The following DAB1 variants were observed in gnomAD, a reference collection of about 807,000 sequenced individuals.
DAB1 encodes DAB adaptor protein 1.
A neutral mutation model predicts 64.6 loss-of-function variants in DAB1; 15 were observed. That is an observed-to-expected ratio of 0.23 (90% confidence interval 0.16 to 0.36). The LOEUF (loss-of-function observed/expected upper bound fraction) is 0.36, where lower values mean the gene tolerates loss of function less well. Ranked by LOEUF, DAB1 falls within the 10% of genes least tolerant of loss-of-function variation. The pLI, the probability that DAB1 is intolerant of heterozygous loss-of-function variation, is 1.00. For missense variants in DAB1, 596 were observed against 706.7 expected (o/e 0.84, Z 1.78); for synonymous variants, 235 against 251.9 (o/e 0.93, Z 0.64).
At chr1:57,742,890 A>T (rs1181939513) in intron 6 of DAB1, among the ~76,000 whole-genome samples, 1 of 152,184 alleles carries the variant, frequency 6.6e-6, no homozygotes. Flanking sequence ...ACTGTCTGGC[A>T]AGAAGGTCCT....
chr1:58,238,931 G>A (rs922758595), intron 4 of DAB1, among the ~76,000 whole-genome samples: 1 of 152,142 alleles, frequency 6.6e-6, no homozygotes, highest in Admixed American at 6.5e-5. Context: ...TTAAAAGAAG[G>A]TATATACCAT....
intron 4 of DAB1, among the ~76,000 whole-genome samples, chr1:58,150,777 G>T (rs1654882196): frequency 2.0e-5 from 3 of 151,846 alleles, no homozygotes; most frequent in Non-Finnish European, 4.4e-5. Flanking sequence ...CCATGTTGGT[G>T]TACTGCACCC....
At chr1:57,156,880 A>T (rs576424678) in intron 2 of DAB1, among the ~76,000 whole-genome samples, 14 of 152,344 alleles carry the variant, frequency 9.2e-5, no homozygotes, top group African/African-American at 2.6e-4. Context: ...AGATTCTGTC[A>T]GGAAGTACAC....
At chr1:57,704,384 C>T (rs905475713) in intron 6 of DAB1, among the ~76,000 whole-genome samples, 2 of 152,120 alleles carry the variant, frequency 1.3e-5, no homozygotes, top group Non-Finnish European at 2.9e-5. Flanking sequence ...TTTAAGGTAA[C>T]CCCTGGCCTC....
intron 7 of DAB1, among the ~76,000 whole-genome samples, chr1:57,599,753 C>T (rs1645554422): frequency 6.6e-6 from 1 of 152,224 alleles, no homozygotes; most frequent in African/African-American, 2.4e-5. Context: ...CTGTACATAG[C>T]CCTGAGGAGG....
In DAB1 at chr1:57,189,706, C is replaced by A. The variant is rs143779326; in HGVS notation, c.68-44277G>T. Among the ~76,000 whole-genome samples, 825 of 152,172 alleles carry A rather than the reference C, an allele frequency of 5.4e-3. 7 individuals carry two copies. The highest frequency in any genetic ancestry group is 0.019 in the African/African-American group (782 of 41,524). On this transcript the variant is annotated intron_variant, in intron 2 of 14. Coordinates refer to ENST00000371236, the MANE Select transcript of DAB1 (RefSeq NM_001365792.1). ...ATGGACCAACCATCTGGAGAGAGGA[C>A]AGGATGGATGGTCACAGGCCTTCCA...
At chr1:57,323,916 T>C (rs1675938014) in intron 1 of DAB1, among the ~76,000 whole-genome samples, 1 of 151,944 alleles carries the variant, frequency 6.6e-6, no homozygotes, top group Non-Finnish European at 1.5e-5. Context: ...ATGATAGGTA[T>C]TAGTATTTGC....
At chr1:57,833,183 G>A (rs769361665) in intron 1 of DAB1, among the ~76,000 whole-genome samples, 5 of 152,024 alleles carry the variant, frequency 3.3e-5, no homozygotes, top group Non-Finnish European at 7.4e-5. Flanking sequence ...ATTATCGGTG[G>A]TGAATCCTAC....
chr1:58,153,576 ACT>A (rs1315322721), intron 4 of DAB1, among the ~76,000 whole-genome samples: 4 of 151,954 alleles, frequency 2.6e-5, no homozygotes, highest in African/African-American at 9.7e-5. Context: ...AATGTGAAAA[ACT>A]CTGTGATAAT....
At chr1:57,997,858 T>C (rs1487368856) in intron 5 of DAB1, among the ~76,000 whole-genome samples, 1 of 151,804 alleles carries the variant, frequency 6.6e-6, no homozygotes, top group Non-Finnish European at 1.5e-5. Flanking sequence ...GTGTATTCTG[T>C]GTGCCAGCCA....
chr1:58,512,007 C>T (rs1646085136), intron 2 of DAB1, among the ~76,000 whole-genome samples: 1 of 152,106 alleles, frequency 6.6e-6, no homozygotes, highest in African/African-American at 2.4e-5. Flanking sequence ...TACCAAATAA[C>T]TGATAAACAG....
chr1:57,340,554 T>C (rs1677487911), intron 1 of DAB1, among the ~76,000 whole-genome samples: 1 of 152,248 alleles, frequency 6.6e-6, no homozygotes, highest in Non-Finnish European at 1.5e-5. Flanking sequence ...AACCATTTGC[T>C]AGGCTATGTG....
At chr1:58,139,063 T>A (rs78652944) in intron 5 of DAB1, among the ~76,000 whole-genome samples, 1 of 152,164 alleles carries the variant, frequency 6.6e-6, no homozygotes, top group Non-Finnish European at 1.5e-5. Flanking sequence ...TTTTCCTTCA[T>A]GAGATCTCAG....
chr1:57,238,849 A>G (rs1668287944), intron 2 of DAB1, among the ~76,000 whole-genome samples: 1 of 142,506 alleles, frequency 7.0e-6, no homozygotes, highest in African/African-American at 2.6e-5. Context: ...GCGCACACAC[A>G]CACACACACA....
chr1:57,687,129 C>T (rs906377816), intron 6 of DAB1, among the ~76,000 whole-genome samples: 1 of 152,126 alleles, frequency 6.6e-6, no homozygotes, highest in Non-Finnish European at 1.5e-5. Flanking sequence ...TGATATATTT[C>T]TATATCTGTA....
intron 6 of DAB1, among the ~76,000 whole-genome samples, chr1:57,790,002 T>C (rs370381252): frequency 9.2e-5 from 14 of 152,250 alleles, no homozygotes; most frequent in African/African-American, 2.9e-4. Context: ...TTTGGATATA[T>C]GGCTAACAGG....
intron 5 of DAB1, among the ~76,000 whole-genome samples, chr1:58,079,743 A>T (rs1302671892): frequency 1.3e-5 from 2 of 148,602 alleles, no homozygotes; most frequent in Non-Finnish European, 3.0e-5. Flanking sequence ...TTGACCTTGA[A>T]CTCCTGACCT....
At position 57,301,094 on chromosome 1, in the gene DAB1, CA is replaced by C. The variant is rs367921486; in HGVS notation, c.-136-9929del. On this transcript the variant is annotated intron_variant, in intron 1 of 14. Coordinates refer to ENST00000371236, the MANE Select transcript of DAB1 (RefSeq NM_001365792.1). ...AAGAGGTCCTAGATAAATGAATCTT[CA>C]AAAAAAAAAAGGTAAAAAGCAAACA... Among the ~76,000 whole-genome samples the C allele has an allele frequency of 4.5e-3, 640 of 141,422 alleles. 4 individuals are homozygous for C. The highest frequency in any genetic ancestry group is 0.015 in the East Asian group (72 of 4,904). 92.8% of individuals were successfully genotyped at this position (141,422 alleles called of 152,430 possible). A position where few individuals can be genotyped will look rare whatever the true frequency, so the allele number is the denominator to read the frequency against.
At chr1:58,050,039 A>G (rs1182263899) in intron 5 of DAB1, among the ~76,000 whole-genome samples, 1 of 152,236 alleles carries the variant, frequency 6.6e-6, no homozygotes, top group Non-Finnish European at 1.5e-5. Flanking sequence ...AACAATGAGT[A>G]GAGATCATCT....
Sources: allele counts gnomAD v4.1 joint callset (sites outside exome capture counted in the v4.1 genomes callset), GRCh38; gene constraint gnomAD v4.1.1; transcripts MANE v1.5; gene names NCBI Gene and HGNC (gene_info 2026-07-23, HGNC 2026-07-21).